COX10: variants seen among roughly 807,000 people sequenced by gnomAD.
COX10 encodes cytochrome c oxidase assembly factor heme A:farnesyltransferase COX10, also known as protoheme IX farnesyltransferase, mitochondrial.
A neutral mutation model predicts 37.3 loss-of-function variants in COX10; 27 were observed. That is an observed-to-expected ratio of 0.72 (90% CI 0.53 to 1.00). The LOEUF (loss-of-function observed/expected upper bound fraction) is 1.00. Among genes scored for constraint, COX10 ranks in the 50% least tolerant of loss-of-function variants. The pLI, the probability that COX10 is intolerant of heterozygous loss-of-function variation, is 0.00. For synonymous variants in COX10, 222 were observed against 229.1 expected, an observed-to-expected ratio of 0.97 and a Z score of 0.28; for missense variants, 475 against 563.2, an observed-to-expected ratio of 0.84 and a Z score of 1.59.
chr17:14,157,761 C>T (rs190711569), intron 4 of COX10, among the ~76,000 whole-genome samples: 4 of 152,272 alleles, frequency 2.6e-5, no homozygotes, highest in Admixed American at 6.5e-5. Flanking sequence ...ACTCTGACTA[C>T]GGCCACACTC....
intron 5 of COX10, among the ~76,000 whole-genome samples, chr17:14,166,360 A>T (rs1391461334): frequency 6.6e-6 from 1 of 152,154 alleles, no homozygotes; most frequent in Non-Finnish European, 1.5e-5. Flanking sequence ...AATTACACTA[A>T]ATCTATTCTG....
intron 5 of COX10, among the ~76,000 whole-genome samples, chr17:14,167,767 A>G (rs1035205496): frequency 6.6e-6 from 1 of 152,202 alleles, no homozygotes; most frequent in East Asian, 1.9e-4. Flanking sequence ...TGAGAACAGC[A>G]TAGGGGAAAC....
chr17:14,137,769 A>G (rs987460350), intron 4 of COX10, among the ~76,000 whole-genome samples: 1 of 152,100 alleles, frequency 6.6e-6, no homozygotes, highest in Non-Finnish European at 1.5e-5. Flanking sequence ...AAGGTAGACT[A>G]GAAAGGGTAC....
chr17:14,137,958 T>G (rs867065203), intron 4 of COX10, among the ~76,000 whole-genome samples: 3 of 151,516 alleles, frequency 2.0e-5, no homozygotes, highest in Non-Finnish European at 4.4e-5. Context: ...CAGTTTTTTT[T>G]TTTTTTTTTT....
chr17:14,096,175 CCATTAATA>C (rs1915647346), intron 3 of COX10, among the ~76,000 whole-genome samples: 3 of 151,884 alleles, frequency 2.0e-5, no homozygotes, highest in Admixed American at 1.3e-4. Flanking sequence ...GTCTATTAAC[CCATTAATA>C]CATTAATCCA....
chr17:14,162,561 A>G (rs1233223144), intron 5 of COX10, among the ~76,000 whole-genome samples: 1 of 152,094 alleles, frequency 6.6e-6, no homozygotes, highest in Non-Finnish European at 1.5e-5. Context: ...TAAGTCTGAT[A>G]TAGAAAAATC....
intron 6 of COX10, among the ~76,000 whole-genome samples, chr17:14,194,276 C>T (rs1906298229): frequency 6.6e-6 from 1 of 152,092 alleles, no homozygotes; most frequent in Non-Finnish European, 1.5e-5. Context: ...CTGAAGAGAG[C>T]CTCAGCATGT....
chr17:14,149,060 TGTATAATAAGGAA>T (rs1315563089), intron 4 of COX10, among the ~76,000 whole-genome samples: 1 of 149,354 alleles, frequency 6.7e-6, no homozygotes, highest in Admixed American at 6.7e-5. Flanking sequence ...CATAAAAATA[TGTATAATAAGGAA>T]GCACAAACGT....
At chr17:14,076,423 C>T (rs940842558) in intron 2 of COX10, among the ~76,000 whole-genome samples, 2 of 148,480 alleles carry the variant, frequency 1.3e-5, no homozygotes, top group Non-Finnish European at 3.0e-5. Flanking sequence ...AATGTTAAGC[C>T]TCCAGGGAAA....
At chr17:14,142,280 G>A (rs549832982) in intron 4 of COX10, among the ~76,000 whole-genome samples, 4 of 152,186 alleles carry the variant, frequency 2.6e-5, no homozygotes, top group Non-Finnish European at 4.4e-5. Flanking sequence ...TAGTTGTGCA[G>A]ACACGGAAAA....
intron 6 of COX10, among the ~76,000 whole-genome samples, chr17:14,197,986 AT>A (rs934426291): frequency 2.0e-5 from 3 of 151,732 alleles, no homozygotes; most frequent in African/African-American, 7.3e-5. Flanking sequence ...CCTTATCTTA[AT>A]TTTTTTTTAA....
At chr17:14,144,207 T>C (rs751934971) in intron 4 of COX10, among the ~76,000 whole-genome samples, 2 of 152,224 alleles carry the variant, frequency 1.3e-5, no homozygotes, top group African/African-American at 4.8e-5. Context: ...GTATGTGGTA[T>C]AACCTTTTCT....
intron 2 of COX10, among the ~76,000 whole-genome samples, chr17:14,075,312 CT>C (rs1469276529): frequency 6.6e-6 from 1 of 152,070 alleles, no homozygotes; most frequent in Non-Finnish European, 1.5e-5. Flanking sequence ...GTAAATGGAA[CT>C]CTTCATTCAT....
chr17:14,208,513 GT>G lies in COX10; in HGVS notation c.*1303del, dbSNP rs1361235901. 1 of 152,208 alleles carries G rather than the reference GT, an allele frequency of 6.6e-6. No homozygotes were observed. Among genetic ancestry groups the G allele is most frequent in the Non-Finnish European group, 1.5e-5 (1 of 68,042 alleles). 9.4% of individuals were successfully genotyped at this position (152,208 alleles called of 1,614,324 possible). On this transcript the variant is annotated 3_prime_UTR_variant, in exon 7 of 7. Coordinates refer to ENST00000261643, the MANE Select transcript of COX10 (RefSeq NM_001303.4). ...TGTAGGTAGATAACATCCAATCACT[GT>G]TTGCACTTATCTGAAATCTTCCCTC...
At chr17:14,125,682 A>G (rs922477884) in intron 4 of COX10, among the ~76,000 whole-genome samples, 15 of 152,156 alleles carry the variant, frequency 9.9e-5, no homozygotes, top group Admixed American at 3.9e-4. Context: ...TGTTCTGGGT[A>G]GTAGATGGCA....
At chr17:14,153,369 T>G (rs1295743831) in intron 4 of COX10, among the ~76,000 whole-genome samples, 1 of 152,168 alleles carries the variant, frequency 6.6e-6, no homozygotes, top group Non-Finnish European at 1.5e-5. Flanking sequence ...TACTGAAGTA[T>G]GAGTCTAAAT....
chr17:14,148,356 CT>C (rs1250036795), intron 4 of COX10, among the ~76,000 whole-genome samples: 1 of 152,134 alleles, frequency 6.6e-6, no homozygotes, highest in Non-Finnish European at 1.5e-5. Context: ...GGTGTCTTTA[CT>C]GATTTGTAAG....
intron 4 of COX10, among the ~76,000 whole-genome samples, chr17:14,113,452 G>A (rs1442024999): frequency 6.6e-6 from 1 of 152,090 alleles, no homozygotes; most frequent in Non-Finnish European, 1.5e-5. Context: ...AAAGGATGAT[G>A]ATGAAAAAGA....
At chr17:14,148,350 T>A (rs1385541988) in intron 4 of COX10, among the ~76,000 whole-genome samples, 1 of 152,180 alleles carries the variant, frequency 6.6e-6, no homozygotes, top group African/African-American at 2.4e-5. Flanking sequence ...TGACTGGGTG[T>A]CTTTACTGAT....
Sources: gnomAD v4.1 joint callset for allele counts (sites outside exome capture counted in the v4.1 genomes callset) on GRCh38, gnomAD v4.1.1 for gene constraint, MANE v1.5 for transcripts, NCBI Gene and HGNC (gene_info 2026-07-23, HGNC 2026-07-21) for gene names.